The following WWOX variants were observed in gnomAD, a reference collection of about 807,000 sequenced individuals.
WWOX encodes the protein WW domain containing oxidoreductase.
A neutral mutation model predicts 46.2 loss-of-function variants in WWOX; 69 were observed. The observed-to-expected ratio is 1.49, with a 90% CI of 1.23 to 1.82. WWOX has a LOEUF of 1.82. Among genes scored for constraint, WWOX ranks in the 40% most tolerant of loss-of-function variants. The pLI is 0.00. For missense variants in WWOX, 919 were observed against 542.6 expected (o/e 1.69, Z -6.89); for synonymous variants, 359 against 202.6 (o/e 1.77, Z -6.56).
intron 5 of WWOX, among the ~76,000 whole-genome samples, chr16:78,300,249 A>T (rs1464902781): frequency 6.6e-6 from 1 of 152,208 alleles, no homozygotes; most frequent in Non-Finnish European, 1.5e-5. Context: ...CATGGAGAAT[A>T]TTCTGAGGCT....
intron 8 of WWOX, among the ~76,000 whole-genome samples, chr16:78,943,908 C>G (rs1399976714): frequency 6.6e-6 from 1 of 152,152 alleles, no homozygotes; most frequent in African/African-American, 2.4e-5. Context: ...CCACAGGAAC[C>G]CATCATTCCT....
chr16:78,887,444 C>T lies in WWOX; in HGVS notation c.1057-324164C>T, dbSNP rs114268705. On this transcript the variant is annotated intron_variant, in intron 8 of 8. Coordinates refer to ENST00000566780, the MANE Select transcript of WWOX (RefSeq NM_016373.4). ...AAATTATGAAAGTAAGGTGGGAAGGCAATGAAGGCAACAAAGTATATAAAA... is the reference window on the plus strand; with the variant it reads ...AAATTATGAAAGTAAGGTGGGAAGGTAATGAAGGCAACAAAGTATATAAAA... 7.9e-3 allele frequency among the ~76,000 whole-genome samples: 1,171 copies of T among 147,760 alleles called. 16 individuals carry two copies. The highest frequency in any genetic ancestry group is 0.028 in the African/African-American group (1,124 of 39,826).
At chr16:78,363,443 A>G (rs572118082) in intron 5 of WWOX, among the ~76,000 whole-genome samples, 1 of 40,248 alleles carries the variant, frequency 2.5e-5, no homozygotes, top group Non-Finnish European at 7.7e-5. Flanking sequence ...CCAGCTGATT[A>G]TTTAAAAAAA....
intron 8 of WWOX, among the ~76,000 whole-genome samples, chr16:78,919,801 C>T (rs1471839897): frequency 2.6e-5 from 4 of 152,166 alleles, no homozygotes; most frequent in Non-Finnish European, 5.9e-5. Context: ...AGGCATGAGC[C>T]ACTGCACCTG....
chr16:78,649,149 G>GT (rs55958610), intron 8 of WWOX, among the ~76,000 whole-genome samples: 18 of 151,336 alleles, frequency 1.2e-4, no homozygotes, highest in Non-Finnish European at 1.5e-4. Flanking sequence ...AATTTTTTTG[G>GT]TTTTTTTTGT....
At chr16:78,835,876 T>G (rs2051967881) in intron 8 of WWOX, among the ~76,000 whole-genome samples, 1 of 152,232 alleles carries the variant, frequency 6.6e-6, no homozygotes, top group East Asian at 1.9e-4. Context: ...ATTTTTTTGT[T>G]TCTGACTTTT....
At chr16:78,916,422 A>G (rs140936037) in intron 8 of WWOX, among the ~76,000 whole-genome samples, 163 of 152,346 alleles carry the variant, frequency 1.1e-3, no homozygotes, top group African/African-American at 3.8e-3. Context: ...AGATGAGATT[A>G]TTCACTGGGT....
rs2080938201 is a variant in WWOX, at chr16:78,338,273, G to T, written c.517-48587G>T. The stretch of plus-strand genomic sequence containing the variant: ...TTTATCACTTGCCTGATACTGCCTA[G>T]TGAGCAGGTGGAAATGTAGACACCA... On this transcript the variant is annotated intron_variant, in intron 5 of 8. Coordinates refer to ENST00000566780, the MANE Select transcript of WWOX (RefSeq NM_016373.4). Among the ~76,000 whole-genome samples, 2 of 121,270 alleles carry T rather than the reference G, an allele frequency of 1.6e-5. 1 individual carries two copies. Among genetic ancestry groups the T allele is most frequent in the South Asian group, 4.9e-4 (2 of 4,090 alleles). 79.6% of individuals were successfully genotyped at this position (121,270 alleles called of 152,430 possible). A position where few individuals can be genotyped will look rare whatever the true frequency, so the allele number is the denominator to read the frequency against.
intron 6 of WWOX, among the ~76,000 whole-genome samples, chr16:78,414,876 C>T (rs1368174423): frequency 1.3e-5 from 2 of 152,168 alleles, no homozygotes; most frequent in Admixed American, 6.5e-5. Context: ...TTACCGGAAA[C>T]GGGTCCCAAT....
At chr16:78,908,807 C>CTG (rs1157033536) in intron 8 of WWOX, among the ~76,000 whole-genome samples, 1 of 152,176 alleles carries the variant, frequency 6.6e-6, no homozygotes, top group Non-Finnish European at 1.5e-5. Context: ...GTGGTGCCAG[C>CTG]TGATCCATCA....
rs1597169843 is a variant in WWOX, at chr16:78,933,324, A to T, written c.1057-278284A>T. On this transcript the variant is annotated intron_variant, in intron 8 of 8. Coordinates refer to ENST00000566780, the MANE Select transcript of WWOX (RefSeq NM_016373.4). ...CATGGTGTCACATGCATGTAGTCCC[A>T]GCTACTCAGGAGGCTGAGGCAGGAG... Among the ~76,000 whole-genome samples the T allele has an allele frequency of 2.0e-5, 3 of 152,332 alleles. No individual in the cohort carries two copies. In the South Asian group the frequency reaches 6.2e-4, roughly 32 times the overall value.
intron 8 of WWOX, among the ~76,000 whole-genome samples, chr16:78,741,394 C>CTA (rs1205865713): frequency 6.6e-6 from 1 of 151,862 alleles, no homozygotes; most frequent in Non-Finnish European, 1.5e-5. Flanking sequence ...GATCCCATCT[C>CTA]TACTAATAAT....
intron 8 of WWOX, among the ~76,000 whole-genome samples, chr16:78,553,515 A>C (rs1469321784): frequency 6.6e-6 from 1 of 152,024 alleles, no homozygotes; most frequent in East Asian, 1.9e-4. Flanking sequence ...GTTGGTTTGC[A>C]TTTGAACTGT....
chr16:78,220,297 T>C (rs891928595), intron 5 of WWOX, among the ~76,000 whole-genome samples: 1 of 152,218 alleles, frequency 6.6e-6, no homozygotes, highest in Non-Finnish European at 1.5e-5. Context: ...TATGTCTTTC[T>C]GATTTCATAC....
At chr16:78,266,806 C>CTCTCTCTCTCTCTCTCTG (rs1191390121) in intron 5 of WWOX, among the ~76,000 whole-genome samples, 1 of 150,122 alleles carries the variant, frequency 6.7e-6, no homozygotes, top group Non-Finnish European at 1.5e-5. Flanking sequence ...CTCTCTCTCT[C>CTCTCTCTCTCTCTCTCTG]TCTCTCTCTC....
intron 5 of WWOX, among the ~76,000 whole-genome samples, chr16:78,303,609 A>G (rs772538501): frequency 3.9e-5 from 6 of 152,160 alleles, no homozygotes; most frequent in Non-Finnish European, 8.8e-5. Context: ...CAATGGCACA[A>G]TCTCGGCTCA....
At chr16:78,601,752 G>A (rs1176117099) in intron 8 of WWOX, among the ~76,000 whole-genome samples, 1 of 152,200 alleles carries the variant, frequency 6.6e-6, no homozygotes, top group Admixed American at 6.5e-5. Flanking sequence ...AAGTTAGGGA[G>A]ACAGTAATGG....
chr16:78,929,871 C>T (rs982784), intron 8 of WWOX, among the ~76,000 whole-genome samples: 1 of 152,080 alleles, frequency 6.6e-6, no homozygotes, highest in Admixed American at 6.6e-5. Flanking sequence ...CCTTTTTACC[C>T]AGTATCTAGC....
intron 5 of WWOX, among the ~76,000 whole-genome samples, chr16:78,332,923 A>C (rs943087801): frequency 2.6e-5 from 4 of 152,140 alleles, no homozygotes; most frequent in African/African-American, 9.7e-5. Context: ...TTATAATCTT[A>C]ACTATAATAA....
Sources: gnomAD v4.1 joint callset for allele counts (sites outside exome capture counted in the v4.1 genomes callset) on GRCh38, gnomAD v4.1.1 for gene constraint, MANE v1.5 for transcripts, NCBI Gene and HGNC (gene_info 2026-07-23, HGNC 2026-07-21) for gene names.